The following LRMDA variants were observed in gnomAD, a reference collection of about 807,000 sequenced individuals.
LRMDA encodes leucine rich melanocyte differentiation associated, also known as leucine-rich melanocyte differentiation-associated protein.
Under a neutral mutation model 29.8 loss-of-function variants are expected in LRMDA, and 18 were observed. The observed-to-expected ratio is 0.60, with a 90% confidence interval of 0.42 to 0.90. The LOEUF (loss-of-function observed/expected upper bound fraction) is 0.90, where lower values mean the gene tolerates loss of function less well. Among genes scored for constraint, LRMDA ranks in the 40% least tolerant of loss-of-function variants. The pLI is 0.00. For missense variants in LRMDA, 273 were observed against 273.9 expected (o/e 1.00, Z 0.02); for synonymous variants, 125 against 109.4 (o/e 1.14, Z -0.89).
At chr10:76,523,154 G>A (rs544742655) in intron 6 of LRMDA, among the ~76,000 whole-genome samples, 9 of 151,706 alleles carry the variant, frequency 5.9e-5, no homozygotes, top group Non-Finnish European at 1.3e-4. Flanking sequence ...CTACAGTGAG[G>A]CCTGGGCACT....
At chr10:76,046,573 CT>C (rs1848442241) in intron 3 of LRMDA, among the ~76,000 whole-genome samples, 1 of 152,164 alleles carries the variant, frequency 6.6e-6, no homozygotes, top group Non-Finnish European at 1.5e-5. Flanking sequence ...CAACCTCCAC[CT>C]CCCAGGTTCA....
intron 2 of LRMDA, among the ~76,000 whole-genome samples, chr10:75,965,657 A>G (rs1589269710): frequency 6.6e-6 from 1 of 152,142 alleles, no homozygotes; most frequent in Non-Finnish European, 1.5e-5. Flanking sequence ...GGCCCGGCTC[A>G]GTTTCCTTTC....
intron 5 of LRMDA, among the ~76,000 whole-genome samples, chr10:76,178,897 A>G (rs187232749): frequency 6.6e-6 from 1 of 152,322 alleles, no homozygotes; most frequent in East Asian, 1.9e-4. Context: ...GCAGGCAGCA[A>G]GCACTTTAGG....
Position 76,047,254 on chromosome 10 carries a change from A to G in LRMDA, c.349A>G (p.Asn117Asp), listed in dbSNP as rs1424442575. Residue 117 changes from asparagine (N) to aspartate (D), a missense_variant, in exon 4 of 7, where the codon AAC becomes GAC. Coordinates refer to ENST00000611255, the MANE Select transcript of LRMDA (RefSeq NM_001305581.2). Reference sequence around the variant, plus strand: ...TCTGCTGGGCAACGTGGCCTGTCCCAACGAGCTGGTCAGCTTGGAAAAGGA... The same window carrying G: ...TCTGCTGGGCAACGTGGCCTGTCCCGACGAGCTGGTCAGCTTGGAAAAGGA... ...LSLLGNVACP[N>D]ELVSLEKDEE... 6 of 1,613,942 alleles carry G rather than the reference A, an allele frequency of 3.7e-6. No homozygotes were observed. Among genetic ancestry groups the G allele is most frequent in the Non-Finnish European group, 5.1e-6 (6 of 1,179,962 alleles).
chr10:76,255,590 T>C (rs2132302525), intron 5 of LRMDA, among the ~76,000 whole-genome samples: 2 of 152,344 alleles, frequency 1.3e-5, no homozygotes, highest in African/African-American at 4.8e-5. Flanking sequence ...CAGACCAAGC[T>C]AGGAAAGTAT....
chr10:76,071,584 C>T (rs1225712427), intron 5 of LRMDA, among the ~76,000 whole-genome samples: 2 of 152,098 alleles, frequency 1.3e-5, no homozygotes, highest in Admixed American at 6.5e-5. Flanking sequence ...ATGAACAGGG[C>T]GAGTAAGCGG....
chr10:76,442,046 T>C (rs1249354773), intron 6 of LRMDA, among the ~76,000 whole-genome samples: 1 of 152,230 alleles, frequency 6.6e-6, no homozygotes, highest in Non-Finnish European at 1.5e-5. Flanking sequence ...CTAATTTTGA[T>C]GAGCATTTCT....
At position 76,133,388 on chromosome 10, in the gene LRMDA, T is replaced by C. The variant is rs1009096445; in HGVS notation, c.516+74605T>C. Among the ~76,000 whole-genome samples the C allele has an allele frequency of 2.6e-5, 4 of 152,196 alleles. No individual in the cohort carries two copies. In the East Asian group the frequency reaches 7.8e-4, roughly 30 times the overall value. ...AATTGCTTGACAGCCTGGCCTTTGA[T>C]GTTAAGCGTCACTTAGGCAGAAAGA... is the stretch of plus-strand genomic sequence containing the variant. On this transcript the variant is annotated intron_variant, in intron 5 of 6. Coordinates refer to ENST00000611255, the MANE Select transcript of LRMDA (RefSeq NM_001305581.2).
intron 2 of LRMDA, among the ~76,000 whole-genome samples, chr10:76,007,013 TGTGTGTGTGTGTGTGTGTGC>T (rs774554726): frequency 0.026 from 2,934 of 113,678 alleles, 138 homozygotes; most frequent in African/African-American, 0.075. Context: ...TGTGTGTGTG[TGTGTGTGTGTGTGTGTGTGC>T]GCGTGTGTGT....
intron 2 of LRMDA, among the ~76,000 whole-genome samples, chr10:75,727,945 A>G (rs1842649447): frequency 6.6e-6 from 1 of 152,068 alleles, no homozygotes; most frequent in Non-Finnish European, 1.5e-5. Flanking sequence ...GCCATCTTTG[A>G]TTTTTTTCCC....
At chr10:75,585,386 A>C (rs1840644263) in intron 2 of LRMDA, among the ~76,000 whole-genome samples, 1 of 152,228 alleles carries the variant, frequency 6.6e-6, no homozygotes, top group African/African-American at 2.4e-5. Context: ...AAATTTTAAA[A>C]AGCTAATCTG....
chr10:75,645,481 G>A (rs1320328306), intron 2 of LRMDA, among the ~76,000 whole-genome samples: 2 of 152,118 alleles, frequency 1.3e-5, no homozygotes, highest in Admixed American at 6.5e-5. Flanking sequence ...GGGGGTGGGG[G>A]CAGGAATAAT....
intron 2 of LRMDA, among the ~76,000 whole-genome samples, chr10:75,710,465 A>C (rs542816503): frequency 1.6e-4 from 24 of 152,264 alleles, no homozygotes; most frequent in Non-Finnish European, 2.5e-4. Flanking sequence ...TGGTAGCTGA[A>C]TAAGGCCCTG....
intron 2 of LRMDA, among the ~76,000 whole-genome samples, chr10:75,814,768 A>G (rs1007625576): frequency 6.6e-6 from 1 of 152,226 alleles, no homozygotes; most frequent in East Asian, 1.9e-4. Flanking sequence ...AGCCTTTCCA[A>G]TTAGCACACT....
intron 2 of LRMDA, among the ~76,000 whole-genome samples, chr10:75,996,731 T>C (rs888809698): frequency 4.0e-5 from 6 of 151,354 alleles, no homozygotes; most frequent in Non-Finnish European, 8.8e-5. Flanking sequence ...TTTGTTTGTT[T>C]GGTGTTTTTT....
chr10:76,521,104 C>T (rs912147491), intron 6 of LRMDA, among the ~76,000 whole-genome samples: 2 of 150,798 alleles, frequency 1.3e-5, no homozygotes, highest in East Asian at 1.9e-4. Context: ...ATGCTTTTCT[C>T]TGTTGCTCCA....
intron 2 of LRMDA, among the ~76,000 whole-genome samples, chr10:75,593,756 G>A (rs1229722034): frequency 2.0e-5 from 3 of 152,062 alleles, no homozygotes; most frequent in Admixed American, 2.0e-4. Context: ...CAGGGGCTAT[G>A]TGGATCCTGT....
chr10:75,610,807 G>A (rs912440956), intron 2 of LRMDA, among the ~76,000 whole-genome samples: 2 of 152,176 alleles, frequency 1.3e-5, no homozygotes, highest in South Asian at 2.1e-4. Flanking sequence ...TTTCCCTCAA[G>A]TCTTGTTTAC....
chr10:76,038,057 A>C (rs1848281594), intron 3 of LRMDA, among the ~76,000 whole-genome samples: 1 of 152,090 alleles, frequency 6.6e-6, no homozygotes, highest in South Asian at 2.1e-4. Flanking sequence ...TTAGATGATC[A>C]GTTGGCCAAT....
Sources: allele counts gnomAD v4.1 joint callset (sites outside exome capture counted in the v4.1 genomes callset), GRCh38; gene constraint gnomAD v4.1.1; transcripts MANE v1.5; gene names NCBI Gene and HGNC (gene_info 2026-07-23, HGNC 2026-07-21).